The following TENM4 variants were observed in gnomAD, a reference collection of about 807,000 sequenced individuals.
TENM4 encodes teneurin transmembrane protein 4, also known as teneurin-4.
Under a neutral mutation model 243.3 loss-of-function variants are expected in TENM4, and 82 were observed. The observed-to-expected ratio is 0.34, with a 90% CI of 0.28 to 0.40. TENM4 has a LOEUF of 0.40. TENM4 is among the 10% of genes least tolerant of loss of function. TENM4 has a pLI of 1.00. For synonymous variants in TENM4, 1,412 were observed against 1,456.3 expected (o/e 0.97, Z 0.69); for missense variants, 3,138 against 3,673.3 (o/e 0.85, Z 3.77).
chr11:78,724,341 C>T (rs1590969296), intron 23 of TENM4, among the ~76,000 whole-genome samples: 1 of 152,236 alleles, frequency 6.6e-6, no homozygotes, highest in Non-Finnish European at 1.5e-5. Context: ...ATCCTCTCGC[C>T]TTAGCTTCCC....
At chr11:79,137,894 C>T (rs1862141544) in intron 4 of TENM4, among the ~76,000 whole-genome samples, 2 of 151,918 alleles carry the variant, frequency 1.3e-5, no homozygotes, top group South Asian at 2.1e-4. Flanking sequence ...AAGAGATGTG[C>T]ATGGGTTCAG....
chr11:78,859,949 G>A (rs1239719910), intron 10 of TENM4, among the ~76,000 whole-genome samples: 3 of 152,064 alleles, frequency 2.0e-5, no homozygotes, highest in Non-Finnish European at 4.4e-5. Flanking sequence ...GCTTTAGTTC[G>A]AAAAGCTGCT....
chr11:79,298,014 C>T (rs1017055764), intron 1 of TENM4, among the ~76,000 whole-genome samples: 6 of 151,770 alleles, frequency 4.0e-5, no homozygotes, highest in Admixed American at 1.3e-4. Context: ...AAAAGCACCA[C>T]GCCAGTCATG....
At chr11:79,129,538 TA>T (rs1226293269) in intron 4 of TENM4, among the ~76,000 whole-genome samples, 13 of 151,626 alleles carry the variant, frequency 8.6e-5, no homozygotes, top group Non-Finnish European at 1.8e-4. Context: ...TGTTGGGGGG[TA>T]GGGAGAGCAT....
chr11:78,726,359 C>T (rs574045337), intron 22 of TENM4, 137 bp from the exon 23 acceptor site: 66 of 1,008,066 alleles, frequency 6.5e-5, no homozygotes, highest in South Asian at 2.5e-4. Context: ...GCAACCAGAA[C>T]GATGTGAAAC....
intron 12 of TENM4, among the ~76,000 whole-genome samples, chr11:78,820,495 A>G (rs1857702919): frequency 6.6e-6 from 1 of 152,138 alleles, no homozygotes; most frequent in South Asian, 2.1e-4. Flanking sequence ...AGTAACACAC[A>G]CCTCAGAGAG....
At chr11:78,927,170 T>C (rs957278546) in intron 6 of TENM4, among the ~76,000 whole-genome samples, 4 of 152,228 alleles carry the variant, frequency 2.6e-5, no homozygotes, top group Non-Finnish European at 5.9e-5. Flanking sequence ...TTGCATGCAT[T>C]GTGGCTACTA....
intron 21 of TENM4, among the ~76,000 whole-genome samples, chr11:78,731,766 C>T (rs1855672978): frequency 6.6e-6 from 1 of 152,156 alleles, no homozygotes; most frequent in Admixed American, 6.5e-5. Context: ...CAGATTTGAG[C>T]CAAGGCAATC....
At chr11:79,144,838 T>TAGAA (rs145159687) in intron 4 of TENM4, among the ~76,000 whole-genome samples, 8,372 of 151,998 alleles carry the variant, frequency 0.055, 324 homozygotes, top group Non-Finnish European at 0.078. Flanking sequence ...AAAATATAGT[T>TAGAA]AGAATAAATA....
intron 1 of TENM4, among the ~76,000 whole-genome samples, chr11:79,371,255 G>T (rs1236563069): frequency 2.6e-5 from 4 of 152,128 alleles, no homozygotes; most frequent in African/African-American, 9.7e-5. Flanking sequence ...CCTAGTCAAG[G>T]TAAGTACACA....
At chr11:79,260,451 C>A (rs1389259753) in intron 2 of TENM4, among the ~76,000 whole-genome samples, 1 of 152,170 alleles carries the variant, frequency 6.6e-6, no homozygotes, top group Non-Finnish European at 1.5e-5. Flanking sequence ...CTTTTACAAT[C>A]ACCTTAAAAA....
intron 3 of TENM4, among the ~76,000 whole-genome samples, chr11:79,215,252 C>T (rs1452298028): frequency 1.3e-5 from 2 of 152,150 alleles, no homozygotes; most frequent in African/African-American, 4.8e-5. Context: ...CATTGCTTTT[C>T]TGCACAGCAA....
intron 1 of TENM4, among the ~76,000 whole-genome samples, chr11:79,386,910 C>T (rs1034407466): frequency 3.9e-5 from 6 of 152,046 alleles, no homozygotes; most frequent in African/African-American, 1.4e-4. Context: ...CCCAGAAACT[C>T]CACCCCAAGA....
intron 6 of TENM4, among the ~76,000 whole-genome samples, chr11:78,934,698 T>A (rs902660573): frequency 6.6e-6 from 1 of 152,230 alleles, no homozygotes; most frequent in Non-Finnish European, 1.5e-5. Context: ...CAAGCTCACC[T>A]GACCTGCTTT....
At chr11:78,989,775 T>C (rs1177101592) in intron 6 of TENM4, among the ~76,000 whole-genome samples, 2 of 152,118 alleles carry the variant, frequency 1.3e-5, no homozygotes, top group African/African-American at 4.8e-5. Context: ...TGGTTTAGGC[T>C]GGGCACCATG....
At chr11:79,176,342 C>G (rs142603822) in intron 3 of TENM4, among the ~76,000 whole-genome samples, 1 of 152,314 alleles carries the variant, frequency 6.6e-6, no homozygotes, top group Non-Finnish European at 1.5e-5. Context: ...TCAATGGCCA[C>G]TGACTCCTTG....
In TENM4 at chr11:78,729,396, A is replaced by G; in HGVS notation, c.3386T>C (p.Phe1129Ser). The change falls in exon 22 of 34, where the codon TTT becomes TCT. Residue 1129 changes from phenylalanine (F) to serine (S), a missense_variant. Coordinates refer to ENST00000278550, the MANE Select transcript of TENM4 (RefSeq NM_001098816.3). ...CTTACCAAAGGCTTCTGAAAGCCCAAACACCTTCTGGTTGTAGACGTCTGT... is the reference window on the plus strand; with the variant it reads ...CTTACCAAAGGCTTCTGAAAGCCCAGACACCTTCTGGTTGTAGACGTCTGT... Reference protein sequence around the residue: ...DKTDVYNQKVFGLSEAFVSVG... With the variant: ...DKTDVYNQKVSGLSEAFVSVG... The G allele has an allele frequency of 6.3e-7, 1 of 1,580,360 alleles. No individual in the cohort carries two copies. Among genetic ancestry groups the G allele is most frequent in the Non-Finnish European group, 8.6e-7 (1 of 1,161,838 alleles).
chr11:79,066,730 G>GCGCACACACA (rs1555001929), intron 5 of TENM4, among the ~76,000 whole-genome samples: 5 of 150,606 alleles, frequency 3.3e-5, no homozygotes, highest in Middle Eastern at 3.2e-3. Flanking sequence ...GAGCACACAC[G>GCGCACACACA]CGCACGCACA....
intron 25 of TENM4, among the ~76,000 whole-genome samples, chr11:78,720,011 C>G (rs1377847812): frequency 6.6e-6 from 1 of 152,224 alleles, no homozygotes; most frequent in Non-Finnish European, 1.5e-5. Context: ...GTTCTCAGGA[C>G]TTCCTATCAT....
Sources: gnomAD v4.1 joint callset for allele counts (sites outside exome capture counted in the v4.1 genomes callset) on GRCh38, gnomAD v4.1.1 for gene constraint, MANE v1.5 for transcripts, NCBI Gene and HGNC (gene_info 2026-07-23, HGNC 2026-07-21) for gene names.